Variants in TNKS observed in about 807,000 individuals in gnomAD.
TNKS encodes the protein tankyrase, also known as poly [ADP-ribose] polymerase tankyrase-1.
A neutral mutation model predicts 135.8 loss-of-function variants in TNKS; 72 were observed. The ratio of observed to expected loss-of-function variants is 0.53; its 90% CI spans 0.44 to 0.64. The LOEUF is 0.64. TNKS is among the 30% of genes least tolerant of loss of function. The probability of loss-of-function intolerance (pLI) is 0.00; values close to 1 mark genes in which losing one functional copy is unlikely to be tolerated. For synonymous variants in TNKS, 849 were observed against 649.3 expected (o/e 1.31, Z -4.68); for missense variants, 1,769 against 1,674.0 (o/e 1.06, Z -0.99).
At chr8:9,585,870 A>G (rs930735245) in intron 2 of TNKS, among the ~76,000 whole-genome samples, 1 of 152,224 alleles carries the variant, frequency 6.6e-6, no homozygotes, top group Non-Finnish European at 1.5e-5. Flanking sequence ...GACTTAAAAA[A>G]AATAACTGTT....
At chr8:9,578,313 G>C (rs1798037262) in intron 1 of TNKS, among the ~76,000 whole-genome samples, 1 of 152,234 alleles carries the variant, frequency 6.6e-6, no homozygotes, top group Non-Finnish European at 1.5e-5. Context: ...GGAAGTCGAA[G>C]TTAGAGAATT....
At chr8:9,659,793 C>T (rs1801605512) in intron 3 of TNKS, among the ~76,000 whole-genome samples, 3 of 152,094 alleles carry the variant, frequency 2.0e-5, no homozygotes, top group Admixed American at 2.0e-4. Flanking sequence ...TCAATGAATC[C>T]AGGAGCTGGT....
intron 3 of TNKS, among the ~76,000 whole-genome samples, chr8:9,649,050 C>A (rs1178389104): frequency 6.6e-6 from 1 of 151,970 alleles, no homozygotes; most frequent in Admixed American, 6.6e-5. Flanking sequence ...TTTGAAATTG[C>A]TGAATGAAAT....
In TNKS at chr8:9,678,743, C is replaced by G. The variant is rs531869644; in HGVS notation, c.995-1208C>G. 8.5e-5 allele frequency among the ~76,000 whole-genome samples: 13 copies of G among 152,240 alleles called. 1 individual carries two copies. The highest frequency in any genetic ancestry group is 3.1e-4 in the African/African-American group (13 of 41,560). ...CAATATTCTGCATTCTTTAGCAAAA[C>G]AAAATGCGAAGTCCATATTTACACA... On this transcript the variant is annotated intron_variant, in intron 3 of 26. Coordinates refer to ENST00000310430, the MANE Select transcript of TNKS (RefSeq NM_003747.3).
chr8:9,682,987 CA>C (rs1359571486), intron 5 of TNKS, among the ~76,000 whole-genome samples: 2 of 151,718 alleles, frequency 1.3e-5, no homozygotes, highest in African/African-American at 2.4e-5. Flanking sequence ...TTTAGATTAT[CA>C]GGGTTTTTTT....
At chr8:9,666,639 G>A (rs1033235852) in intron 3 of TNKS, among the ~76,000 whole-genome samples, 1 of 151,702 alleles carries the variant, frequency 6.6e-6, no homozygotes, top group Non-Finnish European at 1.5e-5. Context: ...AGAATTGCTT[G>A]AAACCCAGGA....
At chr8:9,763,388 C>A in intron 22 of TNKS, 144 bp downstream of exon 22, 1 of 430,006 alleles carries the variant, frequency 2.3e-6, no homozygotes, top group Non-Finnish European at 3.9e-6. Context: ...AGAATATTGC[C>A]AAAATTAAAA....
chr8:9,652,287 C>T (rs1303102113), intron 3 of TNKS, among the ~76,000 whole-genome samples: 1 of 152,174 alleles, frequency 6.6e-6, no homozygotes, highest in Non-Finnish European at 1.5e-5. Flanking sequence ...TTATCGATCT[C>T]AATAAGGTTC....
chr8:9,757,962 G>GTAAC (rs1806931472), intron 20 of TNKS, among the ~76,000 whole-genome samples: 1 of 152,160 alleles, frequency 6.6e-6, no homozygotes, highest in Non-Finnish European at 1.5e-5. Context: ...TGGACACCAT[G>GTAAC]TAACTCACTG....
chr8:9,627,675 T>G (rs1409895157), intron 3 of TNKS, among the ~76,000 whole-genome samples: 1 of 152,134 alleles, frequency 6.6e-6, no homozygotes, highest in Non-Finnish European at 1.5e-5. Context: ...GGCAAAACTG[T>G]TTGTTTGTGT....
At chr8:9,723,234 T>G (rs1182074326) in intron 12 of TNKS, among the ~76,000 whole-genome samples, 2 of 150,394 alleles carry the variant, frequency 1.3e-5, no homozygotes, top group Non-Finnish European at 3.0e-5. Flanking sequence ...ACCAGGAATT[T>G]GTATGTCTCT....
chr8:9,766,368 T>C lies in TNKS; in HGVS notation c.3683T>C (p.Ile1228Thr). 6.2e-7 allele frequency: 1 copy of C among 1,613,836 alleles called. No homozygotes were observed. Among genetic ancestry groups the C allele is most frequent in the Non-Finnish European group, 8.5e-7 (1 of 1,179,870 alleles). The stretch of plus-strand genomic sequence containing the variant: ...AAAAGCAACCAATATGTTTATGGAA[T>C]TGGAGGAGGAACAGGCTGCCCTACA... The part of the protein sequence containing the change: ...SSKSNQYVYG[I>T]GGGTGCPTHK... Residue 1228 changes from isoleucine (I) to threonine (T), a missense_variant, in exon 25 of 27, where the codon ATT becomes ACT. This residue lies in a region of TNKS where 722 missense variants were observed against 688.9 expected (regional missense o/e 1.05). Transcript: ENST00000310430.
chr8:9,780,957 C>A lies in TNKS; in HGVS notation c.*4221C>A, dbSNP rs1193687844. ...TGTGTATGTGGGGATACGACAGCAA[C>A]TGTGATACCTTGTAGAATATGAGTG... On this transcript the variant is annotated 3_prime_UTR_variant, in exon 27 of 27. Coordinates refer to ENST00000310430, the MANE Select transcript of TNKS (RefSeq NM_003747.3). 2.6e-5 allele frequency: 4 copies of A among 152,170 alleles called. No individual in the cohort carries two copies. Among genetic ancestry groups the A allele is most frequent in the Non-Finnish European group, 5.9e-5 (4 of 68,042 alleles). 9.4% of individuals were successfully genotyped at this position (152,170 alleles called of 1,614,324 possible).
At chr8:9,735,606 C>T in intron 17 of TNKS, 120 bp downstream of exon 17, 1 of 739,148 alleles carries the variant, frequency 1.4e-6, no homozygotes, top group Non-Finnish European at 2.3e-6. Flanking sequence ...CGAGACAATC[C>T]TGGCTAACAC....
intron 3 of TNKS, among the ~76,000 whole-genome samples, chr8:9,619,973 C>T (rs866818661): frequency 1.2e-4 from 18 of 149,860 alleles, no homozygotes; most frequent in Middle Eastern, 3.4e-3. Flanking sequence ...TTTTTTGCGA[C>T]GGAGTCTCAC....
intron 3 of TNKS, among the ~76,000 whole-genome samples, chr8:9,676,402 A>G (rs2128795390): frequency 6.6e-6 from 1 of 152,284 alleles, no homozygotes; most frequent in South Asian, 2.1e-4. Context: ...ACAAAACCAA[A>G]TGACTTATTT....
At chr8:9,659,322 C>T (rs1417875685) in intron 3 of TNKS, among the ~76,000 whole-genome samples, 1 of 151,990 alleles carries the variant, frequency 6.6e-6, no homozygotes, top group Admixed American at 6.6e-5. Context: ...CAAAATTGAC[C>T]ACATAGTTGG....
intron 13 of TNKS, among the ~76,000 whole-genome samples, chr8:9,730,188 C>T (rs1332135046): frequency 2.0e-5 from 3 of 152,100 alleles, no homozygotes; most frequent in East Asian, 1.9e-4. Context: ...TGTAAACAAA[C>T]GGAGCTTACA....
intron 3 of TNKS, among the ~76,000 whole-genome samples, chr8:9,654,415 A>G (rs920525584): frequency 3.3e-5 from 5 of 152,256 alleles, no homozygotes; most frequent in African/African-American, 1.2e-4. Flanking sequence ...AAATTTTAAT[A>G]CCTTTGCAAC....
Sources: allele counts gnomAD v4.1 joint callset (sites outside exome capture counted in the v4.1 genomes callset), GRCh38; gene constraint gnomAD v4.1.1; regional missense constraint gnomAD v4.1.1; transcripts MANE v1.5; gene names NCBI Gene and HGNC (gene_info 2026-07-23, HGNC 2026-07-21).